The following SBF2 variants were observed in gnomAD, a reference collection of about 807,000 sequenced individuals.
The protein encoded by SBF2 is myotubularin-related protein 13.
In SBF2, 112 loss-of-function variants were observed where a neutral mutation model predicts 225.2. The observed-to-expected ratio is 0.50, with a 90% CI of 0.43 to 0.58. The LOEUF (loss-of-function observed/expected upper bound fraction) is 0.58, where lower values mean the gene tolerates loss of function less well. Among genes scored for constraint, SBF2 ranks in the 20% least tolerant of loss-of-function variants. The pLI is 0.00. For synonymous variants in SBF2, 763 were observed against 773.3 expected, an observed-to-expected ratio of 0.99 and a Z score of 0.22; for missense variants, 1,996 against 2,206.2, an observed-to-expected ratio of 0.90 and a Z score of 1.91.
Position 9,967,943 on chromosome 11 carries a change from GTCTGTCTC to G in SBF2, c.1600+390_1600+397del, listed in dbSNP as rs1236595315. 1.1e-4 allele frequency among the ~76,000 whole-genome samples: 12 copies of G among 104,898 alleles called. No individual in the cohort carries two copies. In the East Asian group the frequency reaches 1.9e-3, roughly 17 times the overall value. 68.8% of individuals were successfully genotyped at this position (104,898 alleles called of 152,430 possible). A position where few individuals can be genotyped will look rare whatever the true frequency, so the allele number is the denominator to read the frequency against. On this transcript the variant is annotated intron_variant, in intron 14 of 39. Transcript: ENST00000256190. ...TGTCTGTCTGTCTGTCTGTCTGTCT[GTCTGTCTC>G]TCTCTCTCTCTCTCTCTCTCTATAT... is the stretch of plus-strand genomic sequence containing the variant.
intron 16 of SBF2, among the ~76,000 whole-genome samples, chr11:9,903,781 C>T (rs1163145826): frequency 4.6e-5 from 7 of 152,134 alleles, no homozygotes; most frequent in East Asian, 3.8e-4. Context: ...GGTGAGCATG[C>T]GCAGTGTGTT....
At position 10,303,645 on chromosome 11, in the gene SBF2, G is replaced by A. The variant is rs948359239; in HGVS notation, n.386+847C>T. On this transcript the variant is annotated intron_variant and non_coding_transcript_variant, in intron 1 of 5. Coordinates refer to the SBF2 transcript ENST00000685217. This position sits in a 1 kb window ranked among gnomAD's most constrained non-coding sequence, Gnocchi z 5.2. ...CATGACTCGCCCACCTTCACACAGC[G>A]AATTGCCGGGAGGTGAGGACTAGAA... 1 of 152,310 alleles carries A rather than the reference G, an allele frequency of 6.6e-6. No homozygotes were observed. The highest frequency in any genetic ancestry group is 2.4e-5 in the African/African-American group (1 of 41,458). The allele number at this position is 152,310 out of a possible 1,614,324, so 9.4% of individuals were successfully genotyped here. A position where few individuals can be genotyped will look rare whatever the true frequency, so the allele number is the denominator to read the frequency against.
At chr11:9,944,917 G>C (rs1464992643) in intron 16 of SBF2, among the ~76,000 whole-genome samples, 2 of 152,056 alleles carry the variant, frequency 1.3e-5, no homozygotes, top group Non-Finnish European at 2.9e-5. Context: ...ACCAACTTGG[G>C]CAACAAAGTG....
At chr11:10,103,614 G>T (rs1952413434) in intron 2 of SBF2, among the ~76,000 whole-genome samples, 1 of 152,122 alleles carries the variant, frequency 6.6e-6, no homozygotes, top group Non-Finnish European at 1.5e-5. Context: ...TCTTTAAATG[G>T]TGATTTTATA....
At chr11:9,833,452 G>A (rs1420597553) in intron 26 of SBF2, among the ~76,000 whole-genome samples, 1 of 131,776 alleles carries the variant, frequency 7.6e-6, no homozygotes, top group African/African-American at 2.8e-5. Flanking sequence ...ATGCAGTCTC[G>A]CTCTGTCGCC....
At chr11:9,847,572 A>G (rs1215252110) in intron 22 of SBF2, among the ~76,000 whole-genome samples, 2 of 152,124 alleles carry the variant, frequency 1.3e-5, no homozygotes, top group South Asian at 2.1e-4. Flanking sequence ...GATATTTAAT[A>G]TAAGGATAAA....
chr11:9,861,199 T>G (rs1857706625), intron 17 of SBF2, among the ~76,000 whole-genome samples: 1 of 152,172 alleles, frequency 6.6e-6, no homozygotes, highest in Non-Finnish European at 1.5e-5. Flanking sequence ...TTGGAGCATT[T>G]TGAATTTTCT....
chr11:9,971,397 C>T (rs1275959507), intron 13 of SBF2, among the ~76,000 whole-genome samples: 5 of 151,878 alleles, frequency 3.3e-5, no homozygotes, highest in African/African-American at 1.2e-4. Context: ...GATGCATTGG[C>T]CAGGCACAGT....
chr11:9,899,497 C>A, intron 16 of SBF2, among the ~76,000 whole-genome samples: 2 of 93,062 alleles, frequency 2.1e-5, no homozygotes, highest in African/African-American at 4.4e-5. Flanking sequence ...CAGAGAGACA[C>A]TGTCAAAAAA....
At chr11:10,126,409 G>A (rs1383674439) in intron 2 of SBF2, among the ~76,000 whole-genome samples, 1 of 152,022 alleles carries the variant, frequency 6.6e-6, no homozygotes, top group South Asian at 2.1e-4. Context: ...ATGGTATTTA[G>A]ATCTTGATAA....
chr11:9,991,879 A>T (rs1389188978), intron 12 of SBF2, among the ~76,000 whole-genome samples: 4 of 152,148 alleles, frequency 2.6e-5, no homozygotes, highest in African/African-American at 9.6e-5. Context: ...ATTTTGATAG[A>T]CTAAATGTAA....
chr11:10,191,151 G>A (rs1957151257), intron 2 of SBF2, among the ~76,000 whole-genome samples: 1 of 152,102 alleles, frequency 6.6e-6, no homozygotes, highest in Non-Finnish European at 1.5e-5. Flanking sequence ...TATGGAAGGG[G>A]TAAGAATTTT....
intron 2 of SBF2, among the ~76,000 whole-genome samples, chr11:10,116,941 T>C (rs1173255210): frequency 1.3e-5 from 2 of 152,252 alleles, no homozygotes; most frequent in African/African-American, 2.4e-5. Context: ...ATGTTGAATA[T>C]GGAAAACATT....
At chr11:10,009,466 G>A (rs192410840) in intron 6 of SBF2, among the ~76,000 whole-genome samples, 1 of 151,978 alleles carries the variant, frequency 6.6e-6, no homozygotes, top group East Asian at 1.9e-4. Context: ...GTGTCCATGT[G>A]TTCTCATTGT....
upstream of SBF2, among the ~76,000 whole-genome samples, chr11:10,294,435 C>T (rs1001302832): frequency 9.2e-5 from 14 of 152,232 alleles, no homozygotes; most frequent in Non-Finnish European, 1.9e-4. Context: ...TTCACGGCCC[C>T]CTCTGCCTCC....
intron 2 of SBF2, among the ~76,000 whole-genome samples, chr11:10,193,350 T>C (rs1591183595): frequency 7.5e-6 from 1 of 133,870 alleles, no homozygotes; most frequent in Non-Finnish European, 1.6e-5. Context: ...ATCAATTTCA[T>C]CTTTTTTTTT....
intron 16 of SBF2, among the ~76,000 whole-genome samples, chr11:9,906,481 T>C (rs1278805168): frequency 6.6e-6 from 1 of 152,242 alleles, no homozygotes; most frequent in Non-Finnish European, 1.5e-5. Context: ...ATTTATTATC[T>C]TACAAAATGT....
intron 1 of SBF2, among the ~76,000 whole-genome samples, chr11:10,289,996 T>C (rs562475284): frequency 1.2e-4 from 19 of 152,274 alleles, no homozygotes; most frequent in Admixed American, 9.8e-4. Context: ...GCTGCTCCCA[T>C]AGCCGCTCCT....
At chr11:10,193,434 A>G (rs1565341068) in intron 2 of SBF2, among the ~76,000 whole-genome samples, 1 of 146,296 alleles carries the variant, frequency 6.8e-6, no homozygotes, top group African/African-American at 2.5e-5. Context: ...GGCTCACTGC[A>G]AGCTCCGCCT....
Sources: allele counts gnomAD v4.1 joint callset (sites outside exome capture counted in the v4.1 genomes callset), GRCh38; gene constraint gnomAD v4.1.1; non-coding constraint Gnocchi (gnomAD v3.1); transcripts MANE v1.5; gene names NCBI Gene and HGNC (gene_info 2026-07-23, HGNC 2026-07-21).